The following TRPC4 variants were observed in gnomAD, a reference collection of about 807,000 sequenced individuals.
The protein encoded by TRPC4 is short transient receptor potential channel 4.
TRPC4 carries 49 observed loss-of-function variants against 99.4 expected under a neutral mutation model. The observed-to-expected ratio is 0.49, with a 90% CI of 0.39 to 0.63. The LOEUF (loss-of-function observed/expected upper bound fraction) is 0.63. TRPC4 is among the 20% of genes least tolerant of loss of function. The pLI is 0.00. For synonymous variants in TRPC4, 454 were observed against 425.9 expected (o/e 1.07, Z -0.81); for missense variants, 898 against 1,152.9 (o/e 0.78, Z 3.20).
intron 8 of TRPC4, among the ~76,000 whole-genome samples, chr13:37,642,645 C>T (rs563634267): frequency 2.8e-4 from 42 of 151,950 alleles, no homozygotes; most frequent in South Asian, 6.2e-4. Flanking sequence ...AGTGTAGGAA[C>T]CTTGAGTTGG....
Position 37,637,388 on chromosome 13 carries a change from T to C in TRPC4, c.2449A>G (p.Ile817Val). The change falls in exon 11 of 11, where the codon ATA (isoleucine) becomes GTA (valine). Residue 817 changes from isoleucine (I) to valine (V), a missense_variant. Ile to Val is a conservative substitution (Grantham distance 29). Transcript: ENST00000379705. Reference sequence around the variant, plus strand: ...ACCACCAGGGCAGAGCCATTGCTTATGTTATGTCTTTCAGAGGCAATTGCT... The same window carrying C: ...ACCACCAGGGCAGAGCCATTGCTTACGTTATGTCTTTCAGAGGCAATTGCT... ...SAAIASERHN[I>V]SNGSALVVQE... 1 of 1,613,738 alleles carries C rather than the reference T, an allele frequency of 6.2e-7. No individual in the cohort carries two copies. The highest frequency in any genetic ancestry group is 8.5e-7 in the Non-Finnish European group (1 of 1,179,868).
chr13:37,674,901 A>ATC (rs1442207674), intron 4 of TRPC4, among the ~76,000 whole-genome samples: 2 of 152,198 alleles, frequency 1.3e-5, no homozygotes, highest in Non-Finnish European at 2.9e-5. Context: ...AATACTTTAT[A>ATC]TCCAGAAAAA....
intron 1 of TRPC4, among the ~76,000 whole-genome samples, chr13:37,812,686 G>A (rs189054903): frequency 6.6e-6 from 1 of 151,882 alleles, no homozygotes; most frequent in Non-Finnish European, 1.5e-5. Context: ...GAGAGAGAAG[G>A]TTAAAAATAT....
chr13:37,673,020 T>C (rs961668901), intron 5 of TRPC4, among the ~76,000 whole-genome samples: 2 of 151,996 alleles, frequency 1.3e-5, no homozygotes, highest in African/African-American at 2.4e-5. Context: ...TAGGTATACA[T>C]GTGCTGTGTT....
chr13:37,761,349 T>C (rs552377058), intron 2 of TRPC4, among the ~76,000 whole-genome samples: 4 of 151,924 alleles, frequency 2.6e-5, no homozygotes, highest in African/African-American at 9.6e-5. Context: ...CATACAGAAA[T>C]CCATGCAGCC....
intron 3 of TRPC4, among the ~76,000 whole-genome samples, chr13:37,698,178 T>TTTTTTTTTTTTTTTTTTTTTTTTTGG: frequency 7.1e-6 from 1 of 140,962 alleles, no homozygotes; most frequent in African/African-American, 2.6e-5. Flanking sequence ...TTTTTTTTTT[T>TTTTTTTTTTTTTTTTTTTTTTTTTGG]GAGTGGGAAT....
intron 1 of TRPC4, among the ~76,000 whole-genome samples, chr13:37,787,307 G>T (rs1956996248): frequency 6.6e-6 from 1 of 151,956 alleles, no homozygotes; most frequent in African/African-American, 2.4e-5. Flanking sequence ...TTGTTATTAA[G>T]ATACTATCAC....
Position 37,783,269 on chromosome 13 carries a change from A to G in TRPC4, c.65T>C (p.Ile22Thr), listed in dbSNP as rs1429530603. The G allele has an allele frequency of 9.3e-6, 15 of 1,613,348 alleles. No individual in the cohort carries two copies. The highest frequency in any genetic ancestry group is 1.3e-5 in the African/African-American group (1 of 74,876). ...APYRDRIPLR[I>T]VRAESELSPS... ...CGAGAGTTCTGATTCTGCTCTTACT[A>G]TCCTTAGAGGGATGCGGTCTCTATA... Residue 22 changes from isoleucine (I) to threonine (T), a missense_variant, in exon 2 of 11, where the codon ATA becomes ACA. By Grantham distance (89) the Ile-to-Thr change is moderately conservative. Around this residue, in one of 3 missense-constraint regions of TRPC4, gnomAD observed 278 missense variants for 346.6 expected, o/e 0.80. Coordinates refer to ENST00000379705, the MANE Select transcript of TRPC4 (RefSeq NM_016179.4).
intron 6 of TRPC4, among the ~76,000 whole-genome samples, chr13:37,658,944 A>T (rs2985170): frequency 0.37 from 56,334 of 151,662 alleles, 10,863 homozygotes; most frequent in African/African-American, 0.44. Context: ...TTTGGAAAAA[A>T]AAATTGCCAC....
At chr13:37,749,202 C>A (rs1292154327) in intron 2 of TRPC4, among the ~76,000 whole-genome samples, 2 of 152,008 alleles carry the variant, frequency 1.3e-5, no homozygotes, top group South Asian at 2.1e-4. Flanking sequence ...CTTGAGGGCT[C>A]CCCAGCTATA....
intron 8 of TRPC4, among the ~76,000 whole-genome samples, chr13:37,650,610 T>TCTCTACACACAC (rs763182248): frequency 1.5e-5 from 1 of 65,090 alleles, no homozygotes; most frequent in Non-Finnish European, 2.9e-5. Flanking sequence ...TCTCTCTCTC[T>TCTCTACACACAC]ATACACACAC....
At chr13:37,782,688 C>A (rs9315514) in intron 2 of TRPC4, among the ~76,000 whole-genome samples, 56,158 of 151,850 alleles carry the variant, frequency 0.37, 10,984 homozygotes, top group Middle Eastern at 0.46. Flanking sequence ...AATTTATGAG[C>A]AGTCTACTTA....
intron 7 of TRPC4, among the ~76,000 whole-genome samples, chr13:37,653,432 G>GAAGA (rs966236326): frequency 1.3e-5 from 2 of 151,740 alleles, no homozygotes; most frequent in African/African-American, 4.8e-5. Flanking sequence ...AAAGAAGAAA[G>GAAGA]AAGAAAGAAA....
chr13:37,707,826 T>C (rs1360227735), intron 3 of TRPC4, among the ~76,000 whole-genome samples: 2 of 152,150 alleles, frequency 1.3e-5, no homozygotes, highest in African/African-American at 4.8e-5. Context: ...AAAGAATTCG[T>C]ACAAAATTAC....
At chr13:37,764,795 T>C (rs1213230431) in intron 2 of TRPC4, among the ~76,000 whole-genome samples, 13 of 141,810 alleles carry the variant, frequency 9.2e-5, no homozygotes, top group African/African-American at 3.4e-4. Flanking sequence ...CATTGATAGA[T>C]ATAAATTTTA....
rs2139041804 is a variant in TRPC4, at chr13:37,722,766, T to A, written c.897+23171A>T. ...TTGTTTCAATTTTATTTTTATCAGC[T>A]CTAATGTTAATTAGTAAATAAACAC... On this transcript the variant is annotated intron_variant, in intron 3 of 10. Transcript: ENST00000379705. 2.0e-5 allele frequency among the ~76,000 whole-genome samples: 3 copies of A among 152,208 alleles called. No individual in the cohort carries two copies. In the South Asian group the frequency reaches 6.2e-4, roughly 32 times the overall value.
rs767741358 is a variant in TRPC4 at position 37,783,034 on chromosome 13, T to G, written c.300A>C (p.Leu100=). 3 of 1,612,856 alleles carry G rather than the reference T, an allele frequency of 1.9e-6. No homozygotes were observed. In the East Asian group the frequency reaches 6.7e-5, roughly 36 times the overall value. The change falls in exon 2 of 11, where the codon CTA becomes CTC. Residue 100 remains leucine, a synonymous_variant. Transcript: ENST00000379705. ...CGACTTCTTTTCTGATAGCATGTAA[T>G]AGAGCATCTCCAACATAGACATTAA... The part of the protein sequence containing the change: ...LSFNVYVGDA[L]LHAIRKEVVG...
intron 3 of TRPC4, among the ~76,000 whole-genome samples, chr13:37,745,458 A>ATATATATATATGCG (rs1490430436): frequency 2.1e-3 from 14 of 6,586 alleles, no homozygotes; most frequent in African/African-American, 5.4e-3. Context: ...ATATATATAT[A>ATATATATATATGCG]TATATATATA....
At chr13:37,695,933 G>C (rs1029363540) in intron 3 of TRPC4, among the ~76,000 whole-genome samples, 3 of 152,146 alleles carry the variant, frequency 2.0e-5, no homozygotes, top group Non-Finnish European at 4.4e-5. Context: ...AATCTGGAAA[G>C]TATATAAAAA....
Sources: gnomAD v4.1 joint callset for allele counts (sites outside exome capture counted in the v4.1 genomes callset) on GRCh38, gnomAD v4.1.1 for gene constraint, gnomAD v4.1.1 regional missense constraint, MANE v1.5 for transcripts, NCBI Gene and HGNC (gene_info 2026-07-23, HGNC 2026-07-21) for gene names.